The following SEC16B variants were observed in gnomAD, a reference collection of about 807,000 sequenced individuals.
The protein encoded by SEC16B is SEC16 homolog B, endoplasmic reticulum export factor.
In SEC16B, 115 loss-of-function variants were observed where a neutral mutation model predicts 141.8. The observed-to-expected ratio is 0.81, with a 90% CI of 0.70 to 0.95. The LOEUF is 0.95. Ranked by LOEUF, SEC16B falls within the 40% of genes least tolerant of loss-of-function variation. The pLI is 0.00. For synonymous variants in SEC16B, 493 were observed against 492.5 expected, an observed-to-expected ratio of 1.00 and a Z score of -0.01; for missense variants, 1,291 against 1,312.3, an observed-to-expected ratio of 0.98 and a Z score of 0.25.
At chr1:177,942,541 AC>A (rs1651362866) in intron 15 of SEC16B, among the ~76,000 whole-genome samples, 1 of 152,056 alleles carries the variant, frequency 6.6e-6, no homozygotes, top group Admixed American at 6.6e-5. Flanking sequence ...GGTGGCATGC[AC>A]CTGTAGTCCC....
At chr1:177,949,383 AACACAC>A (rs61635250) in intron 12 of SEC16B, among the ~76,000 whole-genome samples, 18,191 of 136,598 alleles carry the variant, frequency 0.13, 1,284 homozygotes, top group Non-Finnish European at 0.17. Flanking sequence ...TCCCTTGCTA[AACACAC>A]ACACACACAC....
intron 8 of SEC16B, 55 bp downstream of exon 8, chr1:177,960,287 G>C: frequency 1.7e-6 from 2 of 1,148,728 alleles, no homozygotes; most frequent in Non-Finnish European, 2.6e-6. Context: ...GATCTGGGCA[G>C]GAAGATTTTC....
intron 16 of SEC16B, among the ~76,000 whole-genome samples, chr1:177,941,314 C>G (rs1269554581): frequency 6.6e-6 from 1 of 152,150 alleles, no homozygotes; most frequent in Non-Finnish European, 1.5e-5. Context: ...GTTAAAGAAG[C>G]CAGCACTTGG....
At chr1:177,946,743 T>C (rs1369722837) in intron 13 of SEC16B, among the ~76,000 whole-genome samples, 3 of 152,184 alleles carry the variant, frequency 2.0e-5, no homozygotes, top group Admixed American at 2.0e-4. Flanking sequence ...AGACGTTACA[T>C]TTCTCTTCAG....
intron 5 of SEC16B, 45 bp from the exon 6 acceptor site, chr1:177,961,779 C>G: frequency 6.3e-7 from 1 of 1,587,828 alleles, no homozygotes; most frequent in Non-Finnish European, 8.6e-7. Flanking sequence ...TTTCAGAGAG[C>G]TGGTCTTCTC....
intron 11 of SEC16B, among the ~76,000 whole-genome samples, chr1:177,953,948 G>A (rs1292214396): frequency 2.0e-5 from 3 of 152,114 alleles, no homozygotes; most frequent in Non-Finnish European, 4.4e-5. Context: ...AGGCTCTAAG[G>A]AAGTGATCGC....
At chr1:177,934,299 C>T (rs1242007962) in intron 20 of SEC16B, among the ~76,000 whole-genome samples, 1 of 152,194 alleles carries the variant, frequency 6.6e-6, no homozygotes, top group Non-Finnish European at 1.5e-5. Flanking sequence ...AACTCCCCAT[C>T]TCCCCTTCCC....
rs188306289 is a variant in SEC16B, at chr1:177,939,213, C to T, written c.2203+489G>A. The stretch of plus-strand genomic sequence containing the variant: ...AGTTAACCAGGGATATGGTGCCTGC[C>T]AACACACCATTGGGAATCATCCCAA... On this transcript the variant is annotated intron_variant, in intron 18 of 25. Coordinates refer to ENST00000308284, the MANE Select transcript of SEC16B (RefSeq NM_033127.4). Among the ~76,000 whole-genome samples, 7 of 152,330 alleles carry T rather than the reference C, an allele frequency of 4.6e-5. No individual in the cohort carries two copies. The East Asian group carries it at 9.6e-4, about 21-fold the overall frequency.
intron 20 of SEC16B, among the ~76,000 whole-genome samples, chr1:177,935,630 T>A (rs1650780486): frequency 6.6e-6 from 1 of 151,922 alleles, no homozygotes; most frequent in Non-Finnish European, 1.5e-5. Flanking sequence ...CTATTAGATT[T>A]TTCTATAACA....
upstream of SEC16B, chr1:177,971,458 G>C (rs1235865228): frequency 1.4e-5 from 2 of 146,380 alleles, no homozygotes; most frequent in African/African-American, 5.6e-5. Context: ...AATCCTTCTG[G>C]GAAGAGGAAC....
intron 10 of SEC16B, 27 bp from the exon 11 acceptor site, chr1:177,954,403 A>C (rs2101961582): frequency 6.5e-7 from 1 of 1,540,802 alleles, no homozygotes; most frequent in Non-Finnish European, 8.8e-7. Flanking sequence ...CACATTCAAG[A>C]GTGCCTTTCC....
At position 177,937,522 on chromosome 1, in the gene SEC16B, G is replaced by A. The variant is rs6676302; in HGVS notation, c.2204-9C>T. 307,084 of 1,510,126 alleles carry A rather than the reference G, an allele frequency of 0.2. 32,102 individuals are homozygous for A. The highest frequency in any genetic ancestry group is 0.26 in the African/African-American group (18,859 of 71,806). The allele number at this position is 1,510,126 out of a possible 1,614,324, so 93.5% of individuals were successfully genotyped here. A position where few individuals can be genotyped will look rare whatever the true frequency, so the allele number is the denominator to read the frequency against. On this transcript the variant is annotated splice_polypyrimidine_tract_variant and intron_variant, in intron 18 of 25. Transcript: ENST00000308284. ...CTGGTAGAAAGTGTTTTCTAAGGAC[G>A]TGGAACAAAGGTAAAGAAGTCAGAC...
At chr1:177,974,453 G>A (rs535009217), upstream of SEC16B, among the ~76,000 whole-genome samples, 1 of 152,314 alleles carries the variant, frequency 6.6e-6, no homozygotes, top group South Asian at 2.1e-4. Context: ...CAGATAACCA[G>A]AAAAGGATGG....
chr1:177,964,470 G>A (rs1234046359), intron 4 of SEC16B, among the ~76,000 whole-genome samples, 191 bp from the exon 5 acceptor site: 17 of 152,230 alleles, frequency 1.1e-4, no homozygotes, highest in Admixed American at 1.1e-3. Context: ...GAGTGCTGGA[G>A]TTCCACAGCT....
At chr1:177,980,609 G>A (rs1457332951) in intron 1 of SEC16B, among the ~76,000 whole-genome samples, 1 of 152,092 alleles carries the variant, frequency 6.6e-6, no homozygotes, top group African/African-American at 2.4e-5. Flanking sequence ...AGGTGAACTT[G>A]TTCCTTCTCT....
At chr1:177,956,357 G>A (rs1429380193) in intron 10 of SEC16B, among the ~76,000 whole-genome samples, 9 of 151,860 alleles carry the variant, frequency 5.9e-5, no homozygotes, top group Admixed American at 1.3e-4. Flanking sequence ...GAAAAAGTTC[G>A]GCAACTCTAA....
Position 177,946,407 on chromosome 1 carries a change from C to A in SEC16B, c.1775+13G>T, listed in dbSNP as rs1190586760. Reference sequence around the variant, plus strand: ...AAATGTCCTTACTGTTTCCTTTCTCCCAGGTCGCATACCTGTGGCTGCTGC... The same window carrying A: ...AAATGTCCTTACTGTTTCCTTTCTCACAGGTCGCATACCTGTGGCTGCTGC... On this transcript the variant is annotated intron_variant, in intron 14 of 25. Transcript: ENST00000308284. 1 of 1,538,674 alleles carries A rather than the reference C, an allele frequency of 6.5e-7. No individual in the cohort carries two copies. The highest frequency in any genetic ancestry group is 1.9e-5 in the Admixed American group (1 of 51,512).
rs185825984 is a variant in SEC16B, at chr1:177,933,706, C to T, written c.2572-70G>A. On this transcript the variant is annotated intron_variant, in intron 20 of 25. Coordinates refer to ENST00000308284, the MANE Select transcript of SEC16B (RefSeq NM_033127.4). ...TTACCAAACACATTTGCACATACTC[C>T]CTCACCTGACCTGCTCAGAAGGCAG... 5.5e-5 allele frequency: 81 copies of T among 1,463,150 alleles called. No individual in the cohort carries two copies. In the East Asian group the frequency reaches 5.9e-4, roughly 11 times the overall value. 90.6% of individuals were successfully genotyped at this position (1,463,150 alleles called of 1,614,324 possible).
intron 15 of SEC16B, among the ~76,000 whole-genome samples, chr1:177,943,584 G>A (rs1320436409): frequency 6.6e-6 from 1 of 152,170 alleles, no homozygotes; most frequent in Non-Finnish European, 1.5e-5. Context: ...ACAAGGAATC[G>A]CTGGAAAATG....
Sources: gnomAD v4.1 joint callset for allele counts (sites outside exome capture counted in the v4.1 genomes callset) on GRCh38, gnomAD v4.1.1 for gene constraint, MANE v1.5 for transcripts, NCBI Gene and HGNC (gene_info 2026-07-23, HGNC 2026-07-21) for gene names.